ENOX1: variants seen among roughly 807,000 people sequenced by gnomAD.
ENOX1 encodes candidate growth-related and time keeping constitutive hydroquinone (NADH) oxidase.
A neutral mutation model predicts 82.5 loss-of-function variants in ENOX1; 42 were observed. The ratio of observed to expected loss-of-function variants is 0.51; its 90% confidence interval spans 0.40 to 0.66. ENOX1 has a LOEUF of 0.66. Among genes scored for constraint, ENOX1 ranks in the 30% least tolerant of loss-of-function variants. The pLI, the probability that ENOX1 is intolerant of heterozygous loss-of-function variation, is 0.00. For missense variants in ENOX1, 608 were observed against 811.6 expected (o/e 0.75, Z 3.05); for synonymous variants, 271 against 282.2 (o/e 0.96, Z 0.40).
At position 43,362,156 on chromosome 13, in the gene ENOX1, T is replaced by TACACACACACAC. The variant is rs10531058; in HGVS notation, c.209-716_209-705dup. 7.5e-4 allele frequency among the ~76,000 whole-genome samples: 110 copies of TACACACACACAC among 145,808 alleles called. 1 individual carries two copies. The highest frequency in any genetic ancestry group is 2.7e-3 in the African/African-American group (107 of 39,082). ...CTTTTGAAATCTTTATGCCCTGTAT[T>TACACACACACAC]ACACACACACACACACACACACACA... On this transcript the variant is annotated intron_variant, in intron 5 of 16. Coordinates refer to ENST00000690772, the MANE Select transcript of ENOX1 (RefSeq NM_001347969.2).
chr13:43,430,475 T>C (rs2055588189), intron 3 of ENOX1, among the ~76,000 whole-genome samples: 3 of 152,196 alleles, frequency 2.0e-5, no homozygotes, highest in Admixed American at 2.0e-4. Context: ...ATTCCCTCTT[T>C]TTTTTTGTTC....
intron 8 of ENOX1, among the ~76,000 whole-genome samples, chr13:43,354,841 T>C (rs2050049077): frequency 6.6e-6 from 1 of 152,256 alleles, no homozygotes; most frequent in African/African-American, 2.4e-5. Flanking sequence ...CTAGAATGCC[T>C]TTATGCCTCT....
intron 2 of ENOX1, among the ~76,000 whole-genome samples, chr13:43,521,787 GGT>G (rs1566442167): frequency 6.6e-6 from 1 of 152,068 alleles, no homozygotes; most frequent in Non-Finnish European, 1.5e-5. Context: ...TGGTCTGAAT[GGT>G]GTCTCCAAGG....
chr13:43,767,068 G>C (rs927387229), intron 1 of ENOX1, among the ~76,000 whole-genome samples: 1 of 152,146 alleles, frequency 6.6e-6, no homozygotes, highest in African/African-American at 2.4e-5. Flanking sequence ...TGAATTAGCA[G>C]AGAACTATTT....
At chr13:43,716,236 T>C (rs1375117072) in intron 1 of ENOX1, among the ~76,000 whole-genome samples, 2 of 152,184 alleles carry the variant, frequency 1.3e-5, no homozygotes, top group Non-Finnish European at 1.5e-5. Flanking sequence ...GATGGGTTTT[T>C]GGTGTGGATG....
intron 2 of ENOX1, among the ~76,000 whole-genome samples, chr13:43,500,776 A>C (rs1270367331): frequency 6.6e-6 from 1 of 151,928 alleles, no homozygotes; most frequent in Non-Finnish European, 1.5e-5. Flanking sequence ...ATTACCAAAA[A>C]TATTAATGCA....
chr13:43,361,922 T>C (rs1257746819), intron 5 of ENOX1, among the ~76,000 whole-genome samples: 2 of 151,388 alleles, frequency 1.3e-5, no homozygotes, highest in Non-Finnish European at 2.9e-5. Flanking sequence ...TCAATTTATA[T>C]GTGCATACTT....
chr13:43,283,416 A>G (rs1351650635), intron 12 of ENOX1, among the ~76,000 whole-genome samples: 1 of 151,510 alleles, frequency 6.6e-6, no homozygotes, highest in Non-Finnish European at 1.5e-5. Context: ...TATTCTTTGT[A>G]TTATCCCCTC....
intron 7 of ENOX1, among the ~76,000 whole-genome samples, chr13:43,358,888 T>C (rs547408674): frequency 1.3e-5 from 2 of 152,348 alleles, no homozygotes; most frequent in South Asian, 2.1e-4. Flanking sequence ...TTTTCTACTT[T>C]GTAAGGTTTT....
intron 2 of ENOX1, among the ~76,000 whole-genome samples, chr13:43,514,252 T>C (rs2077477811): frequency 6.6e-6 from 1 of 152,200 alleles, no homozygotes; most frequent in Admixed American, 6.6e-5. Context: ...TTGTTTTTAG[T>C]CCTAAATACT....
chr13:43,399,255 A>G (rs1359102867), intron 5 of ENOX1, among the ~76,000 whole-genome samples: 1 of 152,214 alleles, frequency 6.6e-6, no homozygotes, highest in East Asian at 1.9e-4. Context: ...TGGGGGAGTC[A>G]AAACTTATAT....
intron 3 of ENOX1, among the ~76,000 whole-genome samples, chr13:43,463,099 T>C (rs1323147): frequency 0.48 from 72,895 of 151,976 alleles, 17,984 homozygotes; most frequent in African/African-American, 0.53. Context: ...ACGGTAGTAA[T>C]CTAAGCCAGC....
At chr13:43,457,666 G>T (rs1389783454) in intron 3 of ENOX1, among the ~76,000 whole-genome samples, 1 of 152,132 alleles carries the variant, frequency 6.6e-6, no homozygotes, top group African/African-American at 2.4e-5. Flanking sequence ...AAATCATCTG[G>T]CTTTAAGATA....
At chr13:43,360,149 C>T (rs2050405962) in intron 6 of ENOX1, 92 bp from the exon 7 acceptor site, 1 of 1,158,288 alleles carries the variant, frequency 8.6e-7, no homozygotes, top group Non-Finnish European at 1.2e-6. Flanking sequence ...GAGTAACTTT[C>T]TCCAGACTGA....
At chr13:43,218,770 G>T (rs2041626052) in intron 16 of ENOX1, among the ~76,000 whole-genome samples, 1 of 152,146 alleles carries the variant, frequency 6.6e-6, no homozygotes, top group African/African-American at 2.4e-5. Context: ...CCCCTACCCT[G>T]ACAAAATAAC....
intron 1 of ENOX1, among the ~76,000 whole-genome samples, chr13:43,668,897 A>T (rs763654148): frequency 6.6e-6 from 1 of 152,230 alleles, no homozygotes; most frequent in Non-Finnish European, 1.5e-5. Flanking sequence ...CAAGGAGCCA[A>T]CTACCTTATT....
At chr13:43,616,117 G>GAGAT (rs2082414801) in intron 2 of ENOX1, among the ~76,000 whole-genome samples, 1 of 14,976 alleles carries the variant, frequency 6.7e-5, no homozygotes, top group Non-Finnish European at 1.5e-4. Context: ...GATATCTATA[G>GAGAT]ATCTATAGAT....
chr13:43,469,823 A>G (rs2057908168), intron 3 of ENOX1, among the ~76,000 whole-genome samples: 1 of 151,954 alleles, frequency 6.6e-6, no homozygotes, highest in South Asian at 2.1e-4. Context: ...ATTTTGTAAA[A>G]AACAAAAAAA....
intron 2 of ENOX1, among the ~76,000 whole-genome samples, chr13:43,651,806 C>T (rs1042538171): frequency 1.3e-5 from 2 of 151,612 alleles, no homozygotes; most frequent in African/African-American, 4.9e-5. Flanking sequence ...AAAACCCCAT[C>T]TCTACTAAAA....
Sources: allele counts gnomAD v4.1 joint callset (sites outside exome capture counted in the v4.1 genomes callset), GRCh38; gene constraint gnomAD v4.1.1; transcripts MANE v1.5; gene names NCBI Gene and HGNC (gene_info 2026-07-23, HGNC 2026-07-21).